Variants in NCAM2 observed in about 807,000 individuals in gnomAD.
NCAM2 encodes neural cell adhesion molecule 2, also known as N-CAM-2.
A neutral mutation model predicts 98.1 loss-of-function variants in NCAM2; 30 were observed. The ratio of observed to expected loss-of-function variants is 0.31; its 90% confidence interval spans 0.23 to 0.41. NCAM2 has a LOEUF of 0.41. Among genes scored for constraint, NCAM2 ranks in the 10% least tolerant of loss-of-function variants. The probability of loss-of-function intolerance (pLI) is 1.00; values close to 1 mark genes in which losing one functional copy is unlikely to be tolerated. For synonymous variants in NCAM2, 368 were observed against 342.4 expected, an observed-to-expected ratio of 1.07 and a Z score of -0.83; for missense variants, 867 against 1,005.8, an observed-to-expected ratio of 0.86 and a Z score of 1.87.
chr21:21,451,033 A>C (rs1026874314), intron 12 of NCAM2, among the ~76,000 whole-genome samples: 1 of 152,026 alleles, frequency 6.6e-6, no homozygotes, highest in Non-Finnish European at 1.5e-5. Context: ...TAGTGGAAAT[A>C]GTTTTCTCTT....
intron 1 of NCAM2, among the ~76,000 whole-genome samples, chr21:21,259,027 T>C (rs1413982672): frequency 6.6e-6 from 1 of 152,090 alleles, no homozygotes; most frequent in Non-Finnish European, 1.5e-5. Context: ...CTTGCCCCAT[T>C]CATTGCTGAA....
intron 1 of NCAM2, among the ~76,000 whole-genome samples, chr21:21,221,392 G>T (rs2070147770): frequency 0.038 from 4 of 104 alleles, no homozygotes; most frequent in African/African-American, 0.13. Flanking sequence ...ATGTGAAAAA[G>T]ACAAGATAGG....
rs2075719571 is a variant in NCAM2, at chr21:21,363,963, C to T, written c.1045-9900C>T. Among the ~76,000 whole-genome samples, 3 of 152,008 alleles carry T rather than the reference C, an allele frequency of 2.0e-5. No individual in the cohort carries two copies. In the South Asian group the frequency reaches 6.2e-4, roughly 31 times the overall value. ...TTTAATTGAAGGCTTCTAACAATCA[C>T]AAAAAGCTTGATTTGTATATAGAGT... On this transcript the variant is annotated intron_variant, in intron 8 of 17. Transcript: ENST00000400546.
chr21:21,166,864 C>G (rs1263761950), intron 1 of NCAM2, among the ~76,000 whole-genome samples: 1 of 152,140 alleles, frequency 6.6e-6, no homozygotes, highest in Admixed American at 6.5e-5. Flanking sequence ...CAACATATTG[C>G]ATCTCTCTCA....
At chr21:21,486,531 G>A (rs1459808313) in intron 15 of NCAM2, among the ~76,000 whole-genome samples, 1 of 151,980 alleles carries the variant, frequency 6.6e-6, no homozygotes, top group Non-Finnish European at 1.5e-5. Flanking sequence ...TTTGTAGAAG[G>A]CGTTGATAAA....
chr21:21,028,752 A>G (rs905587739), intron 1 of NCAM2, among the ~76,000 whole-genome samples: 5 of 152,224 alleles, frequency 3.3e-5, no homozygotes, highest in Non-Finnish European at 7.3e-5. Flanking sequence ...TTATATTCTA[A>G]TACTCTTCTG....
intron 16 of NCAM2, among the ~76,000 whole-genome samples, chr21:21,523,180 C>T (rs1200699319): frequency 6.6e-6 from 1 of 152,048 alleles, no homozygotes; most frequent in Non-Finnish European, 1.5e-5. Flanking sequence ...TGTTCAGATC[C>T]TTTTAAGCTT....
Position 21,538,091 on chromosome 21 carries a change from T to A in NCAM2, c.*134T>A, listed in dbSNP as rs1602587240. 3.0e-5 allele frequency: 13 copies of A among 432,240 alleles called. No homozygotes were observed. The East Asian group carries it at 4.6e-4, about 15-fold the overall frequency. The allele number at this position is 432,240 out of a possible 1,614,324, so 26.8% of individuals were successfully genotyped here. A position where few individuals can be genotyped will look rare whatever the true frequency, so the allele number is the denominator to read the frequency against. On this transcript the variant is annotated 3_prime_UTR_variant, in exon 18 of 18. Coordinates refer to ENST00000400546, the MANE Select transcript of NCAM2 (RefSeq NM_004540.5). ...GGAATAGCTTGTACACATATACATA[T>A]GATCAAATACTCCTGCCCATGATCC...
At chr21:21,218,511 G>A (rs368413377) in intron 1 of NCAM2, among the ~76,000 whole-genome samples, 67 of 152,294 alleles carry the variant, frequency 4.4e-4, no homozygotes, top group African/African-American at 1.6e-3. Context: ...ATTATTAAGT[G>A]TTAATCGGCT....
chr21:21,272,060 T>C (rs1020868040), intron 1 of NCAM2, among the ~76,000 whole-genome samples: 4 of 152,060 alleles, frequency 2.6e-5, no homozygotes, highest in African/African-American at 9.7e-5. Context: ...AACAAAGAAA[T>C]AAGTTCTAGT....
At chr21:21,245,446 C>T (rs536351971) in intron 1 of NCAM2, among the ~76,000 whole-genome samples, 2 of 152,264 alleles carry the variant, frequency 1.3e-5, no homozygotes, top group African/African-American at 2.4e-5. Flanking sequence ...CATCAGTTTT[C>T]GCTGTCCTTG....
chr21:21,054,459 A>G (rs2065174454), intron 1 of NCAM2, among the ~76,000 whole-genome samples: 2 of 152,010 alleles, frequency 1.3e-5, no homozygotes, highest in Non-Finnish European at 2.9e-5. Flanking sequence ...CTCCTTACAT[A>G]CTCAAATACT....
At chr21:21,392,908 C>G (rs2076411554) in intron 9 of NCAM2, among the ~76,000 whole-genome samples, 1 of 152,064 alleles carries the variant, frequency 6.6e-6, no homozygotes, top group Admixed American at 6.6e-5. Context: ...TGTTTTATTA[C>G]TCTGTTGATA....
intron 1 of NCAM2, among the ~76,000 whole-genome samples, chr21:21,115,123 A>G (rs911619282): frequency 2.6e-5 from 4 of 152,164 alleles, no homozygotes; most frequent in African/African-American, 9.7e-5. Context: ...ACCCGGCCAT[A>G]TTAATTTCAT....
At chr21:21,088,837 T>A (rs1452631435) in intron 1 of NCAM2, among the ~76,000 whole-genome samples, 1 of 152,036 alleles carries the variant, frequency 6.6e-6, no homozygotes, top group African/African-American at 2.4e-5. Flanking sequence ...CCGGGCGTGG[T>A]GGCGGGCGCC....
chr21:21,334,415 T>C (rs959883040), intron 6 of NCAM2, among the ~76,000 whole-genome samples: 1 of 152,204 alleles, frequency 6.6e-6, no homozygotes, highest in Non-Finnish European at 1.5e-5. Flanking sequence ...AGAACCAGAA[T>C]TCACTGGAAG....
At chr21:21,528,546 T>A (rs1485755057) in intron 16 of NCAM2, among the ~76,000 whole-genome samples, 1 of 152,194 alleles carries the variant, frequency 6.6e-6, no homozygotes, top group Non-Finnish European at 1.5e-5. Flanking sequence ...TTAAAATTAT[T>A]CTTTGTAGTT....
At chr21:21,098,857 G>T (rs147765243) in intron 1 of NCAM2, among the ~76,000 whole-genome samples, 2 of 151,882 alleles carry the variant, frequency 1.3e-5, no homozygotes, top group Admixed American at 1.3e-4. Context: ...AAGGTGTCAT[G>T]CAGGCCACAA....
intron 1 of NCAM2, among the ~76,000 whole-genome samples, chr21:21,196,072 A>T (rs1243947223): frequency 6.6e-6 from 1 of 152,182 alleles, no homozygotes; most frequent in African/African-American, 2.4e-5. Flanking sequence ...ATCCTACATG[A>T]TTTAAATTCT....
Sources: gnomAD v4.1 joint callset for allele counts (sites outside exome capture counted in the v4.1 genomes callset) on GRCh38, gnomAD v4.1.1 for gene constraint, MANE v1.5 for transcripts, NCBI Gene and HGNC (gene_info 2026-07-23, HGNC 2026-07-21) for gene names.